Variants in TNRC6B observed in about 807,000 individuals in gnomAD.
TNRC6B encodes the protein trinucleotide repeat containing adaptor 6B, also known as trinucleotide repeat-containing gene 6B protein.
A neutral mutation model predicts 203.6 loss-of-function variants in TNRC6B; 52 were observed. That is an observed-to-expected ratio of 0.26 (90% confidence interval 0.20 to 0.32). The LOEUF is 0.32. Among genes scored for constraint, TNRC6B ranks in the 10% least tolerant of loss-of-function variants. The probability of loss-of-function intolerance (pLI) is 1.00; values close to 1 mark genes in which losing one functional copy is unlikely to be tolerated. For synonymous variants in TNRC6B, 838 were observed against 845.7 expected (o/e 0.99, Z 0.16); for missense variants, 1,923 against 2,286.2 (o/e 0.84, Z 3.24).
rs1444753132 is a variant in TNRC6B at position 40,278,041 on chromosome 22, G to A, written c.3259G>A (p.Val1087Ile). Residue 1087 changes from valine (V) to isoleucine (I), a missense_variant, in exon 9 of 23, where the codon GTA (valine) becomes ATA (isoleucine). By Grantham distance (29) the Val-to-Ile change is conservative (BLOSUM62 3). Around this residue, in one of 8 missense-constraint regions of TNRC6B, gnomAD observed 599 missense variants for 656.5 expected, o/e 0.91. Transcript: ENST00000454349. ...TCCAAGCAGCAAAATGGATTTGTCT[G>A]TAGGTGTGTATCACTCCGCTGAAAA... ...DNPSSKMDLS[V>I]GSLSDKKFDV... 3.2e-6 allele frequency: 5 copies of A among 1,561,258 alleles called. No individual in the cohort carries two copies. The highest frequency in any genetic ancestry group is 1.9e-5 in the Admixed American group (1 of 51,992).
intron 3 of TNRC6B, among the ~76,000 whole-genome samples, chr22:40,152,275 G>A (rs1353187326): frequency 1.3e-5 from 2 of 152,158 alleles, no homozygotes; most frequent in African/African-American, 4.8e-5. Context: ...AGACAACGGA[G>A]CATCACCCTC....
chr22:40,080,837 GT>G (rs58040463), intron 1 of TNRC6B, among the ~76,000 whole-genome samples: 5,305 of 134,290 alleles, frequency 0.04, 298 homozygotes, highest in African/African-American at 0.13. Context: ...TTTCTTTTTT[GT>G]TTTTTTTTTT....
intron 1 of TNRC6B, among the ~76,000 whole-genome samples, chr22:40,076,195 T>C (rs975796002): frequency 1.3e-5 from 2 of 152,232 alleles, no homozygotes; most frequent in Non-Finnish European, 2.9e-5. Flanking sequence ...GGCAGGAGGA[T>C]AGCTTGAGCC....
At chr22:40,098,337 A>G (rs1383421409) in intron 1 of TNRC6B, among the ~76,000 whole-genome samples, 1 of 141,124 alleles carries the variant, frequency 7.1e-6, no homozygotes, top group Non-Finnish European at 1.5e-5. Context: ...GTGAGCCAAA[A>G]CTGCGCCATT....
intron 1 of TNRC6B, among the ~76,000 whole-genome samples, chr22:40,092,207 A>G (rs748611583): frequency 1.4e-4 from 21 of 152,124 alleles, no homozygotes; most frequent in Non-Finnish European, 2.6e-4. Flanking sequence ...GTTCGAGACC[A>G]GCCTAGCCAA....
chr22:40,105,516 C>T (rs1403206729), intron 1 of TNRC6B, among the ~76,000 whole-genome samples: 1 of 152,162 alleles, frequency 6.6e-6, no homozygotes, highest in East Asian at 1.9e-4. Context: ...TCCCTGTAAA[C>T]ATTATAGTTT....
At chr22:40,280,893 G>A (rs887906404) in intron 10 of TNRC6B, among the ~76,000 whole-genome samples, 3 of 152,162 alleles carry the variant, frequency 2.0e-5, no homozygotes, top group Non-Finnish European at 4.4e-5. Flanking sequence ...TGGACAGAAC[G>A]TGTTACTAAC....
At position 40,326,464 on chromosome 22, in the gene TNRC6B, A is replaced by G. The variant is rs2071403414; in HGVS notation, c.*3223A>G. The G allele has an allele frequency of 6.6e-6, 1 of 152,664 alleles. No homozygotes were observed. The highest frequency in any genetic ancestry group is 1.5e-5 in the Non-Finnish European group (1 of 68,040). 9.5% of individuals were successfully genotyped at this position (152,664 alleles called of 1,614,324 possible). Reference sequence around the variant, plus strand: ...ATATGGGAGAAGGATTAAGCTTTGTAAGAGCTCGATCATGGATTCTTTTGA... The same window carrying G: ...ATATGGGAGAAGGATTAAGCTTTGTGAGAGCTCGATCATGGATTCTTTTGA... On this transcript the variant is annotated 3_prime_UTR_variant, in exon 23 of 23. Coordinates refer to ENST00000454349, the MANE Select transcript of TNRC6B (RefSeq NM_001162501.2).
chr22:40,080,403 T>C (rs937065457), intron 1 of TNRC6B, among the ~76,000 whole-genome samples: 5 of 152,224 alleles, frequency 3.3e-5, no homozygotes, highest in Admixed American at 2.0e-4. Flanking sequence ...TATAGATTCC[T>C]GTATGAGGAC....
chr22:40,167,660 G>A (rs2068931404), intron 4 of TNRC6B, among the ~76,000 whole-genome samples: 1 of 124,672 alleles, frequency 8.0e-6, no homozygotes, highest in South Asian at 2.8e-4. Flanking sequence ...TGGGAGGGTT[G>A]TTTGAACCCA....
chr22:40,250,446 A>G (rs149340453), intron 2 of TNRC6B, among the ~76,000 whole-genome samples: 6 of 152,100 alleles, frequency 3.9e-5, no homozygotes, highest in South Asian at 2.1e-4. Flanking sequence ...ATTAGTTACT[A>G]TATAAAGAAA....
intron 8 of TNRC6B, 128 bp downstream of exon 8, chr22:40,277,279 T>A: frequency 1.7e-6 from 1 of 598,060 alleles, no homozygotes; most frequent in Non-Finnish European, 2.7e-6. Flanking sequence ...GCAATGTTCT[T>A]GACCTTTTGA....
chr22:40,156,205 A>G (rs1377704846), intron 4 of TNRC6B: 1 of 1,556,282 alleles, frequency 6.4e-7, no homozygotes, highest in Non-Finnish European at 8.7e-7. Context: ...TTATTTAAAA[A>G]GAGTCCTATT....
At chr22:40,310,734 GT>G in intron 16 of TNRC6B, 82 bp from the exon 17 acceptor site, 1 of 1,384,510 alleles carries the variant, frequency 7.2e-7, no homozygotes, top group Non-Finnish European at 9.7e-7. Context: ...TCAGAAGACT[GT>G]TTGCATTCCA....
intron 1 of TNRC6B, among the ~76,000 whole-genome samples, chr22:40,199,899 C>T (rs558660029): frequency 2.0e-5 from 3 of 152,084 alleles, no homozygotes; most frequent in Non-Finnish European, 2.9e-5. Context: ...TGGGTTCAAA[C>T]GATTCTCATG....
chr22:40,142,234 T>TC (rs888184582), intron 3 of TNRC6B, among the ~76,000 whole-genome samples: 9 of 151,894 alleles, frequency 5.9e-5, no homozygotes, highest in Non-Finnish European at 1.0e-4. Context: ...AATTTTTTTT[T>TC]TTTTTTTTTA....
chr22:40,142,011 C>T (rs1421240129), intron 3 of TNRC6B, among the ~76,000 whole-genome samples: 2 of 151,424 alleles, frequency 1.3e-5, no homozygotes, highest in South Asian at 4.2e-4. Flanking sequence ...CCACCCACCT[C>T]GGCCTCCCAA....
intron 1 of TNRC6B, among the ~76,000 whole-genome samples, chr22:40,095,004 T>G (rs2068176795): frequency 6.6e-6 from 1 of 152,190 alleles, no homozygotes; most frequent in African/African-American, 2.4e-5. Context: ...ACATTTTGAT[T>G]TGGTTAGATC....
In TNRC6B at chr22:40,265,113, C is replaced by G. The variant is rs774758049; in HGVS notation, c.883C>G (p.Pro295Ala). ...TGTGAGTGGTCAGGATAGAATTGGA[C>G]CTGGCTCTGGCTTCAGCAACTTTAA... is the stretch of plus-strand genomic sequence containing the variant. ...RNVSGQDRIG[P>A]GSGFSNFNPN... Residue 295 changes from proline to alanine, a missense_variant, in exon 5 of 23, where the codon CCT becomes GCT. By Grantham distance (27) the Pro-to-Ala change is conservative (BLOSUM62 -1). Around this residue, in one of 8 missense-constraint regions of TNRC6B, gnomAD observed 614 missense variants for 587.7 expected, o/e 1.04. Coordinates refer to ENST00000454349, the MANE Select transcript of TNRC6B (RefSeq NM_001162501.2). 1 of 1,613,874 alleles carries G rather than the reference C, an allele frequency of 6.2e-7. No individual in the cohort carries two copies. Among genetic ancestry groups the G allele is most frequent in the Non-Finnish European group, 8.5e-7 (1 of 1,179,888 alleles).
Sources: allele counts gnomAD v4.1 joint callset (sites outside exome capture counted in the v4.1 genomes callset), GRCh38; gene constraint gnomAD v4.1.1; regional missense constraint gnomAD v4.1.1; transcripts MANE v1.5; gene names NCBI Gene and HGNC (gene_info 2026-07-23, HGNC 2026-07-21).